CES5A: variants seen among roughly 807,000 people sequenced by gnomAD.
The protein encoded by CES5A is carboxylesterase 5A, also known as carboxylesterase 5.
A neutral mutation model predicts 62.9 loss-of-function variants in CES5A; 67 were observed. That is an observed-to-expected ratio of 1.07 (90% CI 0.88 to 1.31). The LOEUF is 1.31. Ranked by LOEUF, CES5A falls within the 50% of genes most tolerant of loss-of-function variation. CES5A has a pLI of 0.00. For synonymous variants in CES5A, 296 were observed against 280.8 expected (o/e 1.05, Z -0.54); for missense variants, 748 against 708.5 (o/e 1.06, Z -0.63).
chr16:55,954,760 C>A (rs2034591833), intron 1 of CES5A, among the ~76,000 whole-genome samples: 1 of 152,110 alleles, frequency 6.6e-6, no homozygotes. Flanking sequence ...CATGGAGGCT[C>A]GCAGCCAATC....
chr16:55,872,111 T>C (rs993411974), intron 2 of CES5A, among the ~76,000 whole-genome samples: 10 of 152,076 alleles, frequency 6.6e-5, no homozygotes, highest in African/African-American at 2.4e-4. Context: ...CCCCAAACTG[T>C]AGAGGGCAGG....
rs555659423 is a variant in CES5A at position 55,856,375 on chromosome 16, A to G, written c.1125+2T>C. ...AGTACTGCAGCCTCCCAAGCTACTC[A>G]CCAGGATGTTTTGTATCAGATGGAG... On this transcript the variant is annotated splice_donor_variant, in intron 9 of 12. Coordinates refer to ENST00000290567, the MANE Select transcript of CES5A (RefSeq NM_001143685.2). LOFTEE classifies it high-confidence loss of function. 140 of 1,613,974 alleles carry G rather than the reference A, an allele frequency of 8.7e-5. 2 individuals carry two copies. In the South Asian group the frequency reaches 1.4e-3, roughly 16 times the overall value.
intron 1 of CES5A, among the ~76,000 whole-genome samples, chr16:55,902,491 C>T (rs530543281): frequency 1.4e-4 from 22 of 152,356 alleles, no homozygotes; most frequent in Non-Finnish European, 3.1e-4. Flanking sequence ...TCAGGACTGA[C>T]ATCCTAAGGA....
At chr16:55,930,358 C>T (rs927427470), upstream of CES5A, among the ~76,000 whole-genome samples, 4 of 152,290 alleles carry the variant, frequency 2.6e-5, no homozygotes, top group East Asian at 3.9e-4. Flanking sequence ...CCTGTCTCTC[C>T]GAATATGCTG....
At chr16:55,854,544 C>CTTTTCTTTTTT (rs750867515) in intron 9 of CES5A, among the ~76,000 whole-genome samples, 8 of 64,414 alleles carry the variant, frequency 1.2e-4, no homozygotes, top group African/African-American at 2.1e-4. Flanking sequence ...TTTTTTTTTT[C>CTTTTCTTTTTT]TTTTTTTTTT....
At chr16:55,955,066 C>T (rs573707671) in intron 1 of CES5A, among the ~76,000 whole-genome samples, 4 of 152,168 alleles carry the variant, frequency 2.6e-5, no homozygotes, top group Non-Finnish European at 5.9e-5. Context: ...AGTTAGACAT[C>T]CCTGATCCTC....
intron 2 of CES5A, among the ~76,000 whole-genome samples, chr16:55,934,204 T>G (rs565957278): frequency 6.6e-6 from 1 of 152,336 alleles, no homozygotes; most frequent in Admixed American, 6.5e-5. Flanking sequence ...TCTAATGTAT[T>G]GTATAATTAA....
intron 11 of CES5A, among the ~76,000 whole-genome samples, chr16:55,848,902 T>C (rs369786484): frequency 5.9e-5 from 9 of 152,312 alleles, no homozygotes; most frequent in East Asian, 1.9e-4. Flanking sequence ...TTCTTTATTA[T>C]CTGTGTTGTG....
intron 2 of CES5A, among the ~76,000 whole-genome samples, chr16:55,873,140 C>A (rs1245489294): frequency 6.6e-6 from 1 of 152,048 alleles, no homozygotes; most frequent in Non-Finnish European, 1.5e-5. Context: ...TTGGAAGATT[C>A]TAGGGGATTT....
At chr16:55,875,016 T>A in intron 1 of CES5A, 133 bp downstream of exon 1, 1 of 920,186 alleles carries the variant, frequency 1.1e-6, no homozygotes, top group East Asian at 2.4e-5. Flanking sequence ...AGCAGAATAC[T>A]GATGCCATCA....
Position 55,871,653 on chromosome 16 carries a change from G to C in CES5A, c.389C>G (p.Ala130Gly). Residue 130 changes from alanine (A) to glycine (G), a missense_variant, in exon 3 of 13, where the codon GCC becomes GGC. Physicochemically the swap from Ala to Gly is moderately conservative, Grantham distance 60. Transcript: ENST00000290567. The stretch of plus-strand genomic sequence containing the variant: ...GAGCTTGGAGCCTGTATCGGCGTGG[G>C]CAGGCGCATAGATGTTCAGGTAGAG... ...DCLYLNIYAPAHADTGSKLPV... is the reference protein window; with the variant it reads ...DCLYLNIYAPGHADTGSKLPV... The C allele has an allele frequency of 2.5e-6, 4 of 1,614,134 alleles. No homozygotes were observed. The highest frequency in any genetic ancestry group is 3.4e-6 in the Non-Finnish European group (4 of 1,180,014).
intron 1 of CES5A, among the ~76,000 whole-genome samples, chr16:55,951,975 A>T (rs893704303): frequency 6.6e-6 from 1 of 152,142 alleles, no homozygotes; most frequent in Non-Finnish European, 1.5e-5. Context: ...CATAGATGTT[A>T]AGAAGAGGAG....
intron 1 of CES5A, among the ~76,000 whole-genome samples, chr16:55,907,507 T>C (rs2034050730): frequency 6.6e-6 from 1 of 152,222 alleles, no homozygotes; most frequent in Non-Finnish European, 1.5e-5. Flanking sequence ...CTCCGTGTGA[T>C]ACTCATAGAG....
intron 2 of CES5A, among the ~76,000 whole-genome samples, chr16:55,945,260 A>C (rs1056345924): frequency 6.6e-6 from 1 of 152,130 alleles, no homozygotes; most frequent in Non-Finnish European, 1.5e-5. Context: ...AGCACCTATT[A>C]GGGGTAGGTA....
chr16:55,859,600 T>C lies in CES5A; in HGVS notation c.1003A>G (p.Ile335Val). ...TTATTGACTCCGATGATGGAAGGAATTGCTTTAAATGCTTTCTGAGACAAT... is the reference window on the plus strand; with the variant it reads ...TTATTGACTCCGATGATGGAAGGAACTGCTTTAAATGCTTTCTGAGACAAT... Reference protein sequence around the residue: ...DLLSQKAFKAIPSIIGVNNHE... With the variant: ...DLLSQKAFKAVPSIIGVNNHE... The change falls in exon 8 of 13, where the codon ATT becomes GTT. Residue 335 changes from isoleucine to valine, a missense_variant. Transcript: ENST00000290567. The C allele has an allele frequency of 6.2e-7, 1 of 1,613,864 alleles. No individual in the cohort carries two copies. Among genetic ancestry groups the C allele is most frequent in the Non-Finnish European group, 8.5e-7 (1 of 1,179,898 alleles).
intron 1 of CES5A, among the ~76,000 whole-genome samples, chr16:55,951,286 G>T (rs147284866): frequency 7.2e-5 from 11 of 152,156 alleles, no homozygotes; most frequent in Non-Finnish European, 1.5e-4. Flanking sequence ...AGTTCTGGAG[G>T]CTGGGGAAGA....
chr16:55,944,436 T>G, intron 2 of CES5A: 1 of 241,758 alleles, frequency 4.1e-6, no homozygotes, highest in Non-Finnish European at 8.2e-6. Context: ...TCCAACCTTT[T>G]TTCCCCATCC....
intron 1 of CES5A, among the ~76,000 whole-genome samples, chr16:55,911,394 A>T (rs548715966): frequency 1.3e-5 from 2 of 152,354 alleles, no homozygotes; most frequent in Admixed American, 6.5e-5. Context: ...TAATAAGGAC[A>T]AGAAGAAACG....
At chr16:55,848,939 AC>A (rs1180073138) in intron 11 of CES5A, among the ~76,000 whole-genome samples, 1 of 152,198 alleles carries the variant, frequency 6.6e-6, no homozygotes, top group African/African-American at 2.4e-5. Flanking sequence ...ATAATGAATA[AC>A]CCACAGTGCA....
Sources: allele counts gnomAD v4.1 joint callset (sites outside exome capture counted in the v4.1 genomes callset), GRCh38; gene constraint gnomAD v4.1.1; transcripts MANE v1.5; gene names NCBI Gene and HGNC (gene_info 2026-07-23, HGNC 2026-07-21).